Variants in MCM3 observed in about 807,000 individuals in gnomAD.
MCM3 encodes DNA replication licensing factor MCM3.
MCM3 carries 59 observed loss-of-function variants against 91.3 expected under a neutral mutation model. That is an observed-to-expected ratio of 0.65 (90% CI 0.52 to 0.80). The LOEUF is 0.80. MCM3 is among the 30% of genes least tolerant of loss of function. MCM3 has a pLI of 0.00. For missense variants in MCM3, 919 were observed against 1,035.4 expected (o/e 0.89, Z 1.54); for synonymous variants, 383 against 379.6 (o/e 1.01, Z -0.10).
chr6:52,270,741 T>C (rs1765062243), intron 12 of MCM3, among the ~76,000 whole-genome samples: 1 of 152,204 alleles, frequency 6.6e-6, no homozygotes, highest in South Asian at 2.1e-4. Flanking sequence ...ACACCAGAAG[T>C]TCGCATGTGG....
rs201680809 is a variant in MCM3 at position 52,277,669 on chromosome 6, G to C, written c.899C>G (p.Ala300Gly). The C allele has an allele frequency of 5.1e-4, 822 of 1,613,926 alleles. 2 individuals are homozygous for C. Among genetic ancestry groups the C allele is most frequent in the Middle Eastern group, 6.6e-4 (4 of 6,062 alleles). Reference sequence around the variant, plus strand: ...ATGGATACTTGGGGCCAATGACTTGGCCAGCTGGTCAAAGATATCCTACAG... The same window carrying C: ...ATGGATACTTGGGGCCAATGACTTGCCCAGCTGGTCAAAGATATCCTACAG... Reference protein sequence around the residue: ...TRSKDIFDQLAKSLAPSIHGH... With the variant: ...TRSKDIFDQLGKSLAPSIHGH... The change falls in exon 7 of 17, where the codon GCC (alanine) becomes GGC (glycine). Residue 300 changes from alanine to glycine, a missense_variant. Transcript: ENST00000596288.
chr6:52,282,588 C>T (rs1237823196), intron 3 of MCM3, 65 bp downstream of exon 3: 2 of 1,498,158 alleles, frequency 1.3e-6, no homozygotes, highest in Non-Finnish European at 9.2e-7. Flanking sequence ...ATCTACTTTG[C>T]CTCTCCTGCT....
At chr6:52,283,254 C>T (rs1309352166) in intron 2 of MCM3, 40 bp downstream of exon 2, 2 of 1,524,966 alleles carry the variant, frequency 1.3e-6, no homozygotes, top group South Asian at 2.2e-5. Context: ...GGGAAGGGAG[C>T]CATTCTCACT....
intron 13 of MCM3, 121 bp from the exon 14 acceptor site, chr6:52,268,089 C>T: frequency 1.5e-6 from 2 of 1,354,462 alleles, no homozygotes; most frequent in Non-Finnish European, 2.1e-6. Context: ...CAATGGTTTA[C>T]CTAGCTCCTC....
intron 16 of MCM3, 47 bp downstream of exon 16, chr6:52,266,028 G>C: frequency 6.5e-7 from 1 of 1,543,900 alleles, no homozygotes; most frequent in African/African-American, 1.4e-5. Context: ...CCCTTCCTCA[G>C]CGATACACAG....
chr6:52,284,468 G>T, intron 1 of MCM3, 129 bp downstream of exon 1: 1 of 753,540 alleles, frequency 1.3e-6, no homozygotes, highest in Non-Finnish European at 2.1e-6. Context: ...GATTGGGGCT[G>T]GAGGCTCGGG....
At chr6:52,273,152 G>A (rs1017069486) in intron 11 of MCM3, 78 bp downstream of exon 11, 25 of 1,574,016 alleles carry the variant, frequency 1.6e-5, no homozygotes, top group African/African-American at 2.7e-5. Context: ...TAAGGCCTTA[G>A]CTAAGCTTAG....
intron 1 of MCM3, among the ~76,000 whole-genome samples, chr6:52,284,274 T>C (rs1766440323): frequency 6.6e-6 from 1 of 152,182 alleles, no homozygotes; most frequent in Non-Finnish European, 1.5e-5. Flanking sequence ...CACAGTCTCC[T>C]CAAATCAAGA....
intron 16 of MCM3, among the ~76,000 whole-genome samples, chr6:52,265,568 T>C (rs1265850401): frequency 1.3e-5 from 2 of 152,174 alleles, no homozygotes; most frequent in East Asian, 3.8e-4. Context: ...TTTCAATGTG[T>C]TTCAAATTTT....
At chr6:52,283,132 CT>C (rs1562401328) in intron 2 of MCM3, among the ~76,000 whole-genome samples, 161 bp downstream of exon 2, 4 of 104,498 alleles carry the variant, frequency 3.8e-5, no homozygotes, top group African/African-American at 1.6e-4. Context: ...CAACCACCCA[CT>C]TTTTGAAAAA....
intron 12 of MCM3, among the ~76,000 whole-genome samples, chr6:52,270,484 A>T (rs1351696460): frequency 6.6e-6 from 1 of 152,206 alleles, no homozygotes; most frequent in Admixed American, 6.5e-5. Flanking sequence ...TTCAAAAATA[A>T]ATACATTCAC....
chr6:52,279,905 A>C (rs1765927571), intron 4 of MCM3, among the ~76,000 whole-genome samples: 2 of 152,254 alleles, frequency 1.3e-5, no homozygotes, highest in South Asian at 4.1e-4. Flanking sequence ...GGTAATACCC[A>C]ACAGAAACAT....
chr6:52,277,209 G>T lies in MCM3; in HGVS notation c.1034-11C>A, dbSNP rs370860775. On this transcript the variant is annotated splice_polypyrimidine_tract_variant and intron_variant, in intron 7 of 16. Transcript: ENST00000596288. ...CAACGGATGGGTCTCCTGTAGGGTG[G>T]GGGCAGTGATGACTCTCTAGGAAAC... The T allele has an allele frequency of 3.7e-6, 6 of 1,609,742 alleles. No homozygotes were observed. The highest frequency in any genetic ancestry group is 5.1e-6 in the Non-Finnish European group (6 of 1,177,868).
chr6:52,273,785 AAGGAC>A lies in MCM3; in HGVS notation c.1501_1505del (p.Val501SerfsTer20). On this transcript the variant is annotated frameshift_variant, in exon 10 of 17. Coordinates refer to ENST00000596288, the MANE Select transcript of MCM3 (RefSeq NM_002388.6). LOFTEE classifies it high-confidence loss of function. ...CAGGTGCTCTGTAACGGTGCATCCG[AAGGAC>A]ATGGTCTGAGATCTCCCGATCCTGC... 2.5e-6 allele frequency: 4 copies of A among 1,613,906 alleles called. No homozygotes were observed. Among genetic ancestry groups the A allele is most frequent in the Non-Finnish European group, 3.4e-6 (4 of 1,179,976 alleles).
chr6:52,275,333 T>C (rs1765470878), intron 9 of MCM3, among the ~76,000 whole-genome samples: 1 of 152,234 alleles, frequency 6.6e-6, no homozygotes, highest in Non-Finnish European at 1.5e-5. Flanking sequence ...TTCAAGTTTG[T>C]GGCTCTTGAG....
rs1383276632 is a variant in MCM3, at chr6:52,264,408, T to C, written c.*180A>G. 1 of 624,126 alleles carries C rather than the reference T, an allele frequency of 1.6e-6. No individual in the cohort carries two copies. The highest frequency in any genetic ancestry group is 2.8e-6 in the Non-Finnish European group (1 of 359,018). 38.7% of individuals were successfully genotyped at this position (624,126 alleles called of 1,614,324 possible). A position where few individuals can be genotyped will look rare whatever the true frequency, so the allele number is the denominator to read the frequency against. On this transcript the variant is annotated 3_prime_UTR_variant, in exon 17 of 17. Transcript: ENST00000596288. ...CTCTTTCCTCACCCCATGGCAGCTT[T>C]CATGACCCATTCCCAAAGGGTCCAC...
At position 52,272,341 on chromosome 6, in the gene MCM3, C is replaced by A; in HGVS notation, c.1787G>T (p.Arg596Leu). 6.2e-7 allele frequency: 1 copy of A among 1,614,184 alleles called. No homozygotes were observed. Among genetic ancestry groups the A allele is most frequent in the Non-Finnish European group, 8.5e-7 (1 of 1,180,034 alleles). The change falls in exon 12 of 17, where the codon CGC becomes CTC. Residue 596 changes from arginine to leucine, a missense_variant. Arg to Leu is a moderately radical substitution (Grantham distance 102). Around this residue, in one of 3 missense-constraint regions of MCM3, gnomAD observed 285 missense variants for 311.4 expected, o/e 0.92. Coordinates refer to ENST00000596288, the MANE Select transcript of MCM3 (RefSeq NM_002388.6). ...SATYIAEEYSRLRSQDSMSSD... is the reference protein window; with the variant it reads ...SATYIAEEYSLLRSQDSMSSD... Reference sequence around the variant, plus strand: ...GCTCATGCTATCCTGGCTGCGCAGGCGTGAATACTCTTCTGCAATGTAGGT... The same window carrying A: ...GCTCATGCTATCCTGGCTGCGCAGGAGTGAATACTCTTCTGCAATGTAGGT...
chr6:52,272,188 G>T, intron 12 of MCM3, 113 bp downstream of exon 12: 3 of 1,142,482 alleles, frequency 2.6e-6, no homozygotes, highest in Non-Finnish European at 3.6e-6. Flanking sequence ...AAGCCCTTCA[G>T]ACCAGGAAAA....
chr6:52,281,298 G>A (rs12214090), intron 4 of MCM3, among the ~76,000 whole-genome samples: 9,523 of 152,196 alleles, frequency 0.063, 352 homozygotes, highest in Middle Eastern at 0.1. Flanking sequence ...AAATTATAAC[G>A]TTGTTAAAAC....
Sources: allele counts gnomAD v4.1 joint callset (sites outside exome capture counted in the v4.1 genomes callset), GRCh38; gene constraint gnomAD v4.1.1; regional missense constraint gnomAD v4.1.1; transcripts MANE v1.5; gene names NCBI Gene and HGNC (gene_info 2026-07-23, HGNC 2026-07-21).